The following CTNNA3 variants were observed in gnomAD, a reference collection of about 807,000 sequenced individuals.
CTNNA3 encodes catenin alpha-3.
A neutral mutation model predicts 95.7 loss-of-function variants in CTNNA3; 76 were observed. That is an observed-to-expected ratio of 0.79 (90% CI 0.66 to 0.96). CTNNA3 has a LOEUF of 0.96. Ranked by LOEUF, CTNNA3 falls within the 40% of genes least tolerant of loss-of-function variation. The pLI, the probability that CTNNA3 is intolerant of heterozygous loss-of-function variation, is 0.00. For missense variants in CTNNA3, 1,191 were observed against 1,089.8 expected (o/e 1.09, Z -1.31); for synonymous variants, 431 against 374.4 (o/e 1.15, Z -1.74).
At position 66,908,743 on chromosome 10, in the gene CTNNA3, C is replaced by A. The variant is rs146167413; in HGVS notation, c.1048-133219G>T. 6.5e-3 allele frequency among the ~76,000 whole-genome samples: 994 copies of A among 151,986 alleles called. 6 individuals carry two copies. The highest frequency in any genetic ancestry group is 0.01 in the Non-Finnish European group (709 of 67,988). ...TGCTGGCACTTAATTCAGGTTTTTC[C>A]CCTGTAAGTTGAGTCTGGATAGTGC... is the stretch of plus-strand genomic sequence containing the variant. On this transcript the variant is annotated intron_variant, in intron 7 of 17. Transcript: ENST00000433211.
intron 7 of CTNNA3, among the ~76,000 whole-genome samples, chr10:66,956,024 C>G (rs1196589297): frequency 6.6e-6 from 1 of 152,100 alleles, no homozygotes; most frequent in African/African-American, 2.4e-5. Flanking sequence ...GGGAATTCTG[C>G]AGAAGCTGAC....
At position 66,519,369 on chromosome 10, in the gene CTNNA3, T is replaced by C. The variant is rs553431523; in HGVS notation, c.1531+1248A>G. Among the ~76,000 whole-genome samples the C allele has an allele frequency of 2.6e-5, 4 of 152,306 alleles. No homozygotes were observed. In the South Asian group the frequency reaches 8.3e-4, roughly 32 times the overall value. Reference sequence around the variant, plus strand: ...AGATATTTAGACTTGTTTGTTTAATTCTTTAGATTAGCACTGTCAAATACA... The same window carrying C: ...AGATATTTAGACTTGTTTGTTTAATCCTTTAGATTAGCACTGTCAAATACA... On this transcript the variant is annotated intron_variant, in intron 11 of 17. Transcript: ENST00000433211.
At chr10:67,148,302 T>C (rs1279913191) in intron 7 of CTNNA3, among the ~76,000 whole-genome samples, 1 of 152,180 alleles carries the variant, frequency 6.6e-6, no homozygotes, top group Non-Finnish European at 1.5e-5. Context: ...ATTTCCTGAA[T>C]AGCCAGCAAC....
At chr10:66,819,041 G>A (rs974836217) in intron 7 of CTNNA3, among the ~76,000 whole-genome samples, 1 of 144,884 alleles carries the variant, frequency 6.9e-6, no homozygotes, top group Non-Finnish European at 1.5e-5. Flanking sequence ...AATGAGCTGA[G>A]ATCGCACCAT....
intron 2 of CTNNA3, among the ~76,000 whole-genome samples, chr10:67,624,429 G>A (rs373995739): frequency 6.6e-6 from 1 of 152,046 alleles, no homozygotes; most frequent in South Asian, 2.1e-4. Context: ...TACACCCCAA[G>A]TTGACACATT....
chr10:67,562,335 A>T (rs1018760840), intron 3 of CTNNA3, among the ~76,000 whole-genome samples: 2 of 152,200 alleles, frequency 1.3e-5, no homozygotes, highest in African/African-American at 4.8e-5. Flanking sequence ...CTGGTTCAAC[A>T]TACACAAATC....
At chr10:65,928,183 G>A (rs1057154164) in intron 17 of CTNNA3, among the ~76,000 whole-genome samples, 1 of 152,032 alleles carries the variant, frequency 6.6e-6, no homozygotes, top group African/African-American at 2.4e-5. Context: ...TTTGTATATG[G>A]AGTAATGTGC....
rs1848549473 is a variant in CTNNA3, at chr10:66,719,240, T to C, written c.1281+47024A>G. 2.0e-5 allele frequency among the ~76,000 whole-genome samples: 3 copies of C among 152,326 alleles called. No homozygotes were observed. In the South Asian group the frequency reaches 6.2e-4, roughly 32 times the overall value. On this transcript the variant is annotated intron_variant, in intron 9 of 17. Transcript: ENST00000433211. ...TTCTAAGACTCTTGATTATAAAATC[T>C]ATGTCTTAATAGTGTTTTTAATAGT...
rs2089267528 is a variant in CTNNA3, at chr10:66,225,983, G to T, written c.1884+54487C>A. Reference sequence around the variant, plus strand: ...ATATTAATCCCTTGTCAAATGAGTAGTATGCAAATATTTTCTCCCATTCTA... The same window carrying T: ...ATATTAATCCCTTGTCAAATGAGTATTATGCAAATATTTTCTCCCATTCTA... On this transcript the variant is annotated intron_variant, in intron 13 of 17. Transcript: ENST00000433211. Among the ~76,000 whole-genome samples, 3 of 152,070 alleles carry T rather than the reference G, an allele frequency of 2.0e-5. No individual in the cohort carries two copies. The South Asian group carries it at 6.2e-4, about 31-fold the overall frequency.
chr10:66,304,956 A>G (rs971043568), intron 12 of CTNNA3, among the ~76,000 whole-genome samples: 1 of 152,148 alleles, frequency 6.6e-6, no homozygotes, highest in Non-Finnish European at 1.5e-5. Flanking sequence ...CAAAGGTTCA[A>G]AACAAAAAAT....
intron 7 of CTNNA3, among the ~76,000 whole-genome samples, chr10:66,823,068 A>C (rs894190722): frequency 3.3e-5 from 5 of 152,190 alleles, no homozygotes; most frequent in Admixed American, 2.6e-4. Context: ...GGGGGCCTGC[A>C]ACAATTCTGG....
intron 1 of CTNNA3, among the ~76,000 whole-genome samples, chr10:67,721,705 C>T (rs1172303100): frequency 3.9e-5 from 6 of 152,140 alleles, no homozygotes; most frequent in East Asian, 1.9e-4. Context: ...CTTTTGCTGG[C>T]GAGGAGTTGT....
At chr10:66,474,884 C>T (rs749286851) in intron 11 of CTNNA3, among the ~76,000 whole-genome samples, 2 of 151,940 alleles carry the variant, frequency 1.3e-5, no homozygotes, top group African/African-American at 2.4e-5. Context: ...AGATCCTTTG[C>T]TCAATTTTTA....
chr10:67,287,134 T>TC (rs1252123563), intron 5 of CTNNA3, among the ~76,000 whole-genome samples: 1 of 152,048 alleles, frequency 6.6e-6, no homozygotes, highest in Non-Finnish European at 1.5e-5. Context: ...GGTCAGGAGT[T>TC]CGAGACCAGC....
intron 5 of CTNNA3, among the ~76,000 whole-genome samples, chr10:67,327,101 C>T (rs1841570060): frequency 6.6e-6 from 1 of 152,166 alleles, no homozygotes; most frequent in Admixed American, 6.5e-5. Flanking sequence ...TCTAGGCTGG[C>T]TATTTTGACT....
intron 1 of CTNNA3, among the ~76,000 whole-genome samples, chr10:67,676,407 G>A (rs1384569034): frequency 1.3e-5 from 2 of 152,166 alleles, no homozygotes; most frequent in African/African-American, 4.8e-5. Context: ...TAAAATATAT[G>A]TGTATATGTG....
rs77024065 is a variant in CTNNA3, at chr10:66,167,876, T to C, written c.1885-64627A>G. Among the ~76,000 whole-genome samples the C allele has an allele frequency of 7.9e-5, 12 of 152,276 alleles. No homozygotes were observed. The East Asian group carries it at 2.3e-3, about 29-fold the overall frequency. On this transcript the variant is annotated intron_variant, in intron 13 of 17. Transcript: ENST00000433211. ...ACAGGTAGCCACCAGAGGCATCAAGTGTGTCCAGAAATTGGCCTGCCTTAA... is the reference window on the plus strand; with the variant it reads ...ACAGGTAGCCACCAGAGGCATCAAGCGTGTCCAGAAATTGGCCTGCCTTAA...
chr10:67,738,979 A>G (rs143235578), intron 1 of CTNNA3, among the ~76,000 whole-genome samples: 1,854 of 152,338 alleles, frequency 0.012, 20 homozygotes, highest in Non-Finnish European at 0.021. Flanking sequence ...GTGTACCTGA[A>G]AGTGACGGGG....
chr10:66,376,489 A>T lies in CTNNA3; in HGVS notation c.1732+2663T>A, dbSNP rs147160775. 4.9e-3 allele frequency among the ~76,000 whole-genome samples: 752 copies of T among 152,312 alleles called. 4 individuals carry two copies. The highest frequency in any genetic ancestry group is 0.017 in the Middle Eastern group (5 of 294). On this transcript the variant is annotated intron_variant, in intron 12 of 17. Coordinates refer to ENST00000433211, the MANE Select transcript of CTNNA3 (RefSeq NM_013266.4). ...CCCTGCTTCTTAATGCTGAGAAAAC[A>T]CTTAGAAGATCATCAAATTTTGAAA...
Sources: allele counts gnomAD v4.1 joint callset (sites outside exome capture counted in the v4.1 genomes callset), GRCh38; gene constraint gnomAD v4.1.1; transcripts MANE v1.5; gene names NCBI Gene and HGNC (gene_info 2026-07-23, HGNC 2026-07-21).